Variants in DLG5 observed in about 807,000 individuals in gnomAD.
DLG5 encodes discs large MAGUK scaffold protein 5.
In DLG5, 48 loss-of-function variants were observed where a neutral mutation model predicts 189.8. The observed-to-expected ratio is 0.25, with a 90% CI of 0.20 to 0.32. The LOEUF (loss-of-function observed/expected upper bound fraction) is 0.32, where lower values mean the gene tolerates loss of function less well. DLG5 is among the 10% of genes least tolerant of loss of function. The probability of loss-of-function intolerance (pLI) is 1.00; values close to 1 mark genes in which losing one functional copy is unlikely to be tolerated. For missense variants in DLG5, 2,160 were observed against 2,544.7 expected (o/e 0.85, Z 3.25); for synonymous variants, 1,016 against 1,054.1 (o/e 0.96, Z 0.70).
chr10:77,816,750 C>G (rs376166459), intron 19 of DLG5, 49 bp from the exon 20 acceptor site: 8 of 1,567,674 alleles, frequency 5.1e-6, no homozygotes, highest in Non-Finnish European at 6.9e-6. Context: ...TCTCACTTCC[C>G]CAACAGCCAA....
At chr10:77,815,519 G>A (rs557129213) in intron 20 of DLG5, among the ~76,000 whole-genome samples, 1 of 152,224 alleles carries the variant, frequency 6.6e-6, no homozygotes, top group African/African-American at 2.4e-5. Context: ...AATTAGCCAG[G>A]CGTGGTGGTG....
chr10:77,894,677 G>A (rs542468600), intron 1 of DLG5, among the ~76,000 whole-genome samples: 1 of 151,580 alleles, frequency 6.6e-6, no homozygotes, highest in South Asian at 2.1e-4. Flanking sequence ...GATGGGCAAG[G>A]AGTTCTACTG....
chr10:77,895,127 G>A (rs1015220075), intron 1 of DLG5, among the ~76,000 whole-genome samples: 6 of 152,186 alleles, frequency 3.9e-5, no homozygotes, highest in Admixed American at 2.0e-4. Context: ...GCAGCCCCAG[G>A]CTGCTTCCCA....
chr10:77,890,272 G>A (rs1285173462), intron 1 of DLG5, among the ~76,000 whole-genome samples: 6 of 152,124 alleles, frequency 3.9e-5, no homozygotes, highest in Admixed American at 3.9e-4. Flanking sequence ...TTCAGCTGGA[G>A]GGCGCTCTTG....
chr10:77,805,559 A>T, intron 27 of DLG5, 106 bp downstream of exon 27: 2 of 1,352,344 alleles, frequency 1.5e-6, no homozygotes, highest in Non-Finnish European at 2.0e-6. Flanking sequence ...CTTGCGCACA[A>T]AAGCAAAGTA....
At chr10:77,937,792 C>T in the DLG5 span, among the ~76,000 whole-genome samples, 1 of 147,966 alleles carries the variant, frequency 6.8e-6, no homozygotes, top group Non-Finnish European at 1.5e-5. Context: ...GATCTTGGCT[C>T]ACTGCAACCT....
At chr10:77,835,154 G>A (rs1388976543) in intron 8 of DLG5, among the ~76,000 whole-genome samples, 1 of 151,932 alleles carries the variant, frequency 6.6e-6, no homozygotes, top group Admixed American at 6.6e-5. Flanking sequence ...CACTCCACAG[G>A]TGCCCTCCAT....
intron 9 of DLG5, among the ~76,000 whole-genome samples, chr10:77,833,434 G>T (rs544610652): frequency 9.2e-5 from 14 of 152,296 alleles, no homozygotes; most frequent in African/African-American, 3.1e-4. Flanking sequence ...GTCTCTTCCT[G>T]CGCACTGTGA....
intron 20 of DLG5, chr10:77,816,147 A>T: frequency 2.0e-6 from 1 of 490,836 alleles, no homozygotes; most frequent in Non-Finnish European, 4.0e-6. Flanking sequence ...CAGGTCTGTC[A>T]CTCCAACGTC....
At chr10:77,850,391 T>G (rs2154576580) in intron 5 of DLG5, among the ~76,000 whole-genome samples, 1 of 152,392 alleles carries the variant, frequency 6.6e-6, no homozygotes, top group South Asian at 2.1e-4. Context: ...TTCCTTGTTA[T>G]GCTGAATAAT....
At chr10:77,865,267 A>T (rs531377510) in intron 2 of DLG5, among the ~76,000 whole-genome samples, 1 of 152,226 alleles carries the variant, frequency 6.6e-6, no homozygotes, top group South Asian at 2.1e-4. Flanking sequence ...TCTCTGATAA[A>T]TTGGCTTTGC....
chr10:77,835,876 A>G lies in DLG5; in HGVS notation c.1484T>C (p.Val495Ala), dbSNP rs746451245. The change falls in exon 8 of 32, where the codon GTT becomes GCT. Residue 495 changes from valine (V) to alanine (A), a missense_variant. Physicochemically the swap from Val to Ala is moderately conservative, Grantham distance 64. Transcript: ENST00000372391. ...CTTGCACTGCTTTCGAAGGATTTCA[A>G]CCTCCTTGTTGGCTCTCCCAGCATC... ...TMDAGRANKE[V>A]EILRKQCKAL... 1.2e-6 allele frequency: 2 copies of G among 1,613,466 alleles called. 1 individual carries two copies. Among genetic ancestry groups the G allele is most frequent in the South Asian group, 2.2e-5 (2 of 91,026 alleles).
chr10:77,879,122 G>A (rs1845195718), intron 1 of DLG5, among the ~76,000 whole-genome samples: 1 of 152,206 alleles, frequency 6.6e-6, no homozygotes, highest in African/African-American at 2.4e-5. Context: ...ATGTTGCAGA[G>A]TTAAATGGTA....
chr10:77,817,637 C>A, intron 18 of DLG5, 140 bp downstream of exon 18: 2 of 711,572 alleles, frequency 2.8e-6, no homozygotes, highest in Non-Finnish European at 4.7e-6. Context: ...GCAGCCCTTC[C>A]CAGTAGAGAA....
At chr10:77,921,023 G>A (rs1035271399) in intron 1 of DLG5, among the ~76,000 whole-genome samples, 8 of 152,106 alleles carry the variant, frequency 5.3e-5, no homozygotes, top group African/African-American at 1.9e-4. Flanking sequence ...AAATGACTCT[G>A]CCACTTCCTC....
the DLG5 span, among the ~76,000 whole-genome samples, chr10:77,932,063 C>T: frequency 1.3e-5 from 2 of 152,134 alleles, no homozygotes; most frequent in Admixed American, 6.5e-5. Context: ...ATGAGCTGAG[C>T]GATGTTGGGT....
intron 1 of DLG5, 110 bp from the exon 2 acceptor site, chr10:77,869,307 C>A: frequency 2.0e-6 from 2 of 1,017,730 alleles, no homozygotes; most frequent in Non-Finnish European, 3.0e-6. Flanking sequence ...ATGCACCAGG[C>A]ACTAGAAATC....
intron 13 of DLG5, among the ~76,000 whole-genome samples, chr10:77,828,478 C>G (rs1172098254): frequency 1.8e-5 from 2 of 113,140 alleles, no homozygotes; most frequent in African/African-American, 7.7e-5. Flanking sequence ...CAGAGCAAGA[C>G]TCCATATCAA....
chr10:77,890,387 A>ATC (rs1845571767), intron 1 of DLG5, among the ~76,000 whole-genome samples: 1 of 152,064 alleles, frequency 6.6e-6, no homozygotes, highest in Non-Finnish European at 1.5e-5. Flanking sequence ...AGCTCAACTC[A>ATC]TCTCATCCAC....
Sources: gnomAD v4.1 joint callset for allele counts (sites outside exome capture counted in the v4.1 genomes callset) on GRCh38, gnomAD v4.1.1 for gene constraint, MANE v1.5 for transcripts, NCBI Gene and HGNC (gene_info 2026-07-23, HGNC 2026-07-21) for gene names.